SGCD: variants seen among roughly 807,000 people sequenced by gnomAD.
SGCD encodes the protein delta-sarcoglycan.
A neutral mutation model predicts 36.6 loss-of-function variants in SGCD; 18 were observed. The ratio of observed to expected loss-of-function variants is 0.49; its 90% CI spans 0.34 to 0.73. SGCD has a LOEUF of 0.73. SGCD is among the 30% of genes least tolerant of loss of function. SGCD has a pLI of 0.01. For synonymous variants in SGCD, 133 were observed against 130.6 expected (o/e 1.02, Z -0.12); for missense variants, 387 against 346.7 (o/e 1.12, Z -0.92).
chr5:156,322,744 T>C (rs1259649985), upstream of SGCD, among the ~76,000 whole-genome samples: 1 of 152,202 alleles, frequency 6.6e-6, no homozygotes, highest in Non-Finnish European at 1.5e-5. Context: ...ATACATGATT[T>C]ATTTGAAGGA....
intron 3 of SGCD, among the ~76,000 whole-genome samples, chr5:156,459,131 C>T (rs1458429389): frequency 6.6e-6 from 1 of 151,834 alleles, no homozygotes; most frequent in East Asian, 1.9e-4. Context: ...ACTTTTTTGC[C>T]CTTTCTCTTT....
At chr5:155,978,460 T>C (rs1258762162) in intron 1 of SGCD, among the ~76,000 whole-genome samples, 2 of 152,234 alleles carry the variant, frequency 1.3e-5, no homozygotes, top group Non-Finnish European at 2.9e-5. Context: ...ATAGTGAAAG[T>C]CTCAATGATA....
At chr5:155,926,856 A>G (rs1237388740) in intron 1 of SGCD, among the ~76,000 whole-genome samples, 2 of 152,238 alleles carry the variant, frequency 1.3e-5, no homozygotes, top group South Asian at 2.1e-4. Flanking sequence ...CATACGCAGT[A>G]TGATCCCAAT....
rs1773782400 is a variant in SGCD, at chr5:156,428,692, TAGC to T, written c.193-79907_193-79905del. 2.6e-5 allele frequency among the ~76,000 whole-genome samples: 4 copies of T among 152,116 alleles called. No individual in the cohort carries two copies. In the South Asian group the frequency reaches 8.3e-4, roughly 31 times the overall value. On this transcript the variant is annotated intron_variant, in intron 3 of 8. Transcript: ENST00000337851. ...CATTTAATGCTGTAAACTTTCCACTTAGCACTGCTTTTGCTGTAACCCAGAAGT... is the reference window on the plus strand; with the variant it reads ...CATTTAATGCTGTAAACTTTCCACTTACTGCTTTTGCTGTAACCCAGAAGT...
At chr5:155,775,310 T>G in the SGCD span, among the ~76,000 whole-genome samples, 12 of 152,186 alleles carry the variant, frequency 7.9e-5, no homozygotes, top group African/African-American at 2.9e-4. Flanking sequence ...GGCCCTTTTC[T>G]GATTTATCAG....
chr5:156,559,726 T>C (rs1408799069), intron 4 of SGCD, among the ~76,000 whole-genome samples: 2 of 152,148 alleles, frequency 1.3e-5, no homozygotes, highest in Admixed American at 1.3e-4. Context: ...TTAGGCAAGA[T>C]ACTGAATTTC....
chr5:156,485,158 A>G (rs1044934271), intron 3 of SGCD, among the ~76,000 whole-genome samples: 1 of 152,172 alleles, frequency 6.6e-6, no homozygotes, highest in African/African-American at 2.4e-5. Context: ...CCTTTTAGAC[A>G]TGGACTGAGG....
At chr5:156,295,757 T>C (rs56267909) in intron 3 of SGCD, among the ~76,000 whole-genome samples, 1 of 152,320 alleles carries the variant, frequency 6.6e-6, no homozygotes, top group African/African-American at 2.4e-5. Flanking sequence ...GCAAACCCAA[T>C]ATTAGCTCTT....
intron 7 of SGCD, among the ~76,000 whole-genome samples, chr5:156,655,219 T>C (rs1427829420): frequency 6.6e-6 from 1 of 152,146 alleles, no homozygotes; most frequent in Non-Finnish European, 1.5e-5. Context: ...CCTTACCTAA[T>C]CAAACATGAG....
At chr5:156,693,007 A>G (rs561021314) in intron 7 of SGCD, among the ~76,000 whole-genome samples, 2 of 152,326 alleles carry the variant, frequency 1.3e-5, no homozygotes, top group African/African-American at 2.4e-5. Flanking sequence ...AGACACTGCT[A>G]TCACAAGACA....
At chr5:156,199,661 A>G (rs1262963646) in intron 3 of SGCD, among the ~76,000 whole-genome samples, 2 of 152,104 alleles carry the variant, frequency 1.3e-5, no homozygotes, top group Non-Finnish European at 2.9e-5. Flanking sequence ...TTTTAAAATA[A>G]TGGCATTAGA....
chr5:155,825,884 G>A, the SGCD span, among the ~76,000 whole-genome samples: 1 of 152,002 alleles, frequency 6.6e-6, no homozygotes, highest in Non-Finnish European at 1.5e-5. Flanking sequence ...AAGTAGCTGG[G>A]ATTACAGGCA....
intron 3 of SGCD, among the ~76,000 whole-genome samples, chr5:156,194,118 G>A (rs1209014035): frequency 6.6e-6 from 1 of 152,194 alleles, no homozygotes; most frequent in African/African-American, 2.4e-5. Context: ...GCTCATGCCT[G>A]TAATCCCAGC....
intron 4 of SGCD, among the ~76,000 whole-genome samples, chr5:156,527,417 T>C (rs138821938): frequency 2.0e-3 from 306 of 152,248 alleles, no homozygotes; most frequent in African/African-American, 7.1e-3. Flanking sequence ...AGAGAGACAG[T>C]GTGTTGGATG....
chr5:156,434,056 A>G (rs1287565506), intron 3 of SGCD, among the ~76,000 whole-genome samples: 1 of 152,212 alleles, frequency 6.6e-6, no homozygotes, highest in Non-Finnish European at 1.5e-5. Flanking sequence ...CCAAATGCTC[A>G]TTGGCTAGGC....
intron 1 of SGCD, among the ~76,000 whole-genome samples, chr5:156,096,951 C>G (rs574241444): frequency 6.6e-6 from 1 of 152,130 alleles, no homozygotes; most frequent in East Asian, 1.9e-4. Context: ...TTTCCTTCCT[C>G]AAGGATATTT....
At chr5:155,823,484 C>A in the SGCD span, among the ~76,000 whole-genome samples, 1 of 152,010 alleles carries the variant, frequency 6.6e-6, no homozygotes, top group African/African-American at 2.4e-5. Flanking sequence ...GTAAACACAC[C>A]CCCAGAAGTA....
chr5:156,363,669 T>C (rs984453721), intron 3 of SGCD, among the ~76,000 whole-genome samples: 3 of 152,216 alleles, frequency 2.0e-5, no homozygotes, highest in Non-Finnish European at 4.4e-5. Flanking sequence ...TTTGCAGAGG[T>C]ATTTACAAAG....
At chr5:155,733,633 CT>C in the SGCD span, among the ~76,000 whole-genome samples, 639 of 146,694 alleles carry the variant, frequency 4.4e-3, 1 homozygote, top group Middle Eastern at 0.021. Context: ...ATGCTGGACA[CT>C]TTTTTTTTTT....
Sources: gnomAD v4.1 joint callset for allele counts (sites outside exome capture counted in the v4.1 genomes callset) on GRCh38, gnomAD v4.1.1 for gene constraint, MANE v1.5 for transcripts, NCBI Gene and HGNC (gene_info 2026-07-23, HGNC 2026-07-21) for gene names.